SMG1: variants seen among roughly 807,000 people sequenced by gnomAD.
SMG1 encodes serine/threonine-protein kinase SMG1.
A neutral mutation model predicts 419.9 loss-of-function variants in SMG1; 22 were observed. The observed-to-expected ratio is 0.05, with a 90% CI of 0.04 to 0.07. SMG1 has a LOEUF of 0.07. Ranked by LOEUF, SMG1 falls within the 10% of genes least tolerant of loss-of-function variation. SMG1 has a pLI of 1.00. For synonymous variants in SMG1, 1,538 were observed against 1,553.5 expected (o/e 0.99, Z 0.23); for missense variants, 3,185 against 4,342.0 (o/e 0.73, Z 7.49).
chr16:18,858,791 T>G, intron 28 of SMG1: 2 of 411,218 alleles, frequency 4.9e-6, no homozygotes, highest in South Asian at 8.0e-5. Flanking sequence ...CACCCCGAAA[T>G]TAGAAGGAAA....
chr16:18,924,703 C>A (rs1436648449), intron 1 of SMG1, among the ~76,000 whole-genome samples: 1 of 152,038 alleles, frequency 6.6e-6, no homozygotes, highest in African/African-American at 2.4e-5. Context: ...TAGACTCAGG[C>A]ACTAATTATT....
chr16:18,853,958 GATGACACCACC>G, intron 30 of SMG1, 91 bp from the exon 31 acceptor site: 2 of 1,167,886 alleles, frequency 1.7e-6, no homozygotes, highest in Non-Finnish European at 2.4e-6. Flanking sequence ...TCAACATGGT[GATGACACCACC>G]ATGTTGATGG....
intron 23 of SMG1, 43 bp from the exon 24 acceptor site, chr16:18,864,187 C>CT (rs748193551): frequency 0.037 from 21,793 of 594,042 alleles, 58 homozygotes; most frequent in East Asian, 0.059. Flanking sequence ...TATCTACTTA[C>CT]TTTTTTTTTT....
chr16:18,831,649 G>C (rs970400800), intron 51 of SMG1, among the ~76,000 whole-genome samples: 13 of 151,160 alleles, frequency 8.6e-5, no homozygotes, highest in Non-Finnish European at 1.5e-4. Context: ...CCAGCTACTA[G>C]GGAGGCTGAG....
At position 18,833,049 on chromosome 16, in the gene SMG1, T is replaced by A. The variant is rs753101520; in HGVS notation, c.8683A>T (p.Thr2895Ser). The A allele has an allele frequency of 6.2e-7, 1 of 1,613,992 alleles. No homozygotes were observed. The highest frequency in any genetic ancestry group is 1.7e-5 in the Admixed American group (1 of 60,022). The change falls in exon 51 of 63, where the codon ACC becomes TCC. Residue 2895 changes from threonine to serine, a missense_variant. Thr to Ser is a moderately conservative substitution (Grantham distance 58). Coordinates refer to ENST00000446231, the MANE Select transcript of SMG1 (RefSeq NM_015092.5). ...AGAGTCTGCAGGGGAACGCCATCGGTGGTCTGCTCAATAAGACCGTCCAGT... is the reference window on the plus strand; with the variant it reads ...AGAGTCTGCAGGGGAACGCCATCGGAGGTCTGCTCAATAAGACCGTCCAGT... ...HELDGLIEQT[T>S]DGVPLQTLVE... is the part of the protein sequence containing the mutation.
In SMG1 at chr16:18,842,428, T is replaced by C; in HGVS notation, c.6246A>G (p.Ala2082=). ...GCAAGATGTAACTTGCACGTTTCTGTGCTCTCTGTTGCAAACTTAGCATTA... is the reference window on the plus strand; with the variant it reads ...GCAAGATGTAACTTGCACGTTTCTGCGCTCTCTGTTGCAAACTTAGCATTA... ...KEIMLSLQQR[A]QKRASYILRL... is the part of the protein sequence containing the mutation. The change falls in exon 40 of 63, where the codon GCA becomes GCG. Residue 2082 remains alanine (A), a synonymous_variant. Transcript: ENST00000446231. 3.7e-6 allele frequency: 6 copies of C among 1,613,898 alleles called. No individual in the cohort carries two copies. Among genetic ancestry groups the C allele is most frequent in the Non-Finnish European group, 5.1e-6 (6 of 1,179,816 alleles).
At chr16:18,894,041 G>A (rs1460184509) in intron 3 of SMG1, among the ~76,000 whole-genome samples, 1 of 148,644 alleles carries the variant, frequency 6.7e-6, no homozygotes, top group African/African-American at 2.5e-5. Context: ...TGGGTGACAG[G>A]GAGATACTCC....
At chr16:18,832,813 G>C in intron 51 of SMG1, 127 bp downstream of exon 51, 1 of 782,574 alleles carries the variant, frequency 1.3e-6, no homozygotes. Context: ...ATACGTGTAT[G>C]AGCATTTATA....
In SMG1 at chr16:18,860,757, A is replaced by T. The variant is rs766328362; in HGVS notation, c.3715T>A (p.Ser1239Thr). 1 of 1,514,054 alleles carries T rather than the reference A, an allele frequency of 6.6e-7. No individual in the cohort carries two copies. The highest frequency in any genetic ancestry group is 9.0e-7 in the Non-Finnish European group (1 of 1,112,544). 93.8% of individuals were successfully genotyped at this position (1,514,054 alleles called of 1,614,324 possible). ...TCGGTACATTCAACAAATTTTCCAG[A>T]CTCAAAGCTGCTTAATGATCTGTAA... The part of the protein sequence containing the change: ...NYIKSLSSFE[S>T]GKFVECTEQL... Residue 1239 changes from serine (S) to threonine (T), a missense_variant, in exon 26 of 63, where the codon TCT becomes ACT. This residue lies in a region of SMG1 where 120 missense variants were observed against 193.3 expected (regional missense o/e 0.62). Transcript: ENST00000446231.
chr16:18,859,376 T>A, intron 27 of SMG1, 180 bp downstream of exon 27: 2 of 709,814 alleles, frequency 2.8e-6, no homozygotes, highest in South Asian at 1.9e-5. Context: ...TTATTTCATT[T>A]CAACCTCAGT....
At chr16:18,908,546 T>C (rs1023012967) in intron 1 of SMG1, among the ~76,000 whole-genome samples, 3 of 151,066 alleles carry the variant, frequency 2.0e-5, no homozygotes, top group Non-Finnish European at 4.4e-5. Context: ...AGACAGGGAC[T>C]TTATAATCAA....
intron 57 of SMG1, 102 bp downstream of exon 57, chr16:18,817,189 C>T (rs1377180726): frequency 3.7e-6 from 3 of 813,226 alleles, no homozygotes; most frequent in African/African-American, 3.9e-5. Context: ...CTCTTACATA[C>T]AGTATATGCT....
rs370046499 is a variant in SMG1, at chr16:18,879,662, C to T, written c.1351G>A (p.Ala451Thr). The T allele has an allele frequency of 3.9e-6, 6 of 1,542,686 alleles. No homozygotes were observed. The highest frequency in any genetic ancestry group is 5.2e-6 in the Non-Finnish European group (6 of 1,145,010). ...CACTCATTAGCAGCTGTCAACACAG[C>T]CTCAGAAAAAAACACCTGGTTTGCA... The part of the protein sequence containing the change: ...TAANQVFFSE[A>T]VLTAANECVG... Residue 451 changes from alanine to threonine, a missense_variant, in exon 11 of 63, where the codon GCT becomes ACT. Ala to Thr is a moderately conservative substitution (Grantham distance 58, BLOSUM62 0). Coordinates refer to ENST00000446231, the MANE Select transcript of SMG1 (RefSeq NM_015092.5).
intron 23 of SMG1, among the ~76,000 whole-genome samples, chr16:18,865,386 A>T (rs115883605): frequency 6.6e-6 from 1 of 152,212 alleles, no homozygotes; most frequent in Admixed American, 6.5e-5. Flanking sequence ...TTAAGGGTAT[A>T]AACTGCAGCC....
At chr16:18,886,414 A>G (rs2036614252) in intron 6 of SMG1, among the ~76,000 whole-genome samples, 1 of 152,220 alleles carries the variant, frequency 6.6e-6, no homozygotes, top group Non-Finnish European at 1.5e-5. Flanking sequence ...TTGAAAGAAT[A>G]TTTATTTTGC....
chr16:18,807,995 T>TC lies in SMG1; in HGVS notation c.*1573dup, dbSNP rs2031008636. 1 of 152,212 alleles carries TC rather than the reference T, an allele frequency of 6.6e-6. No individual in the cohort carries two copies. The highest frequency in any genetic ancestry group is 2.1e-4 in the South Asian group (1 of 4,828). The allele number at this position is 152,212 out of a possible 1,614,324, so 9.4% of individuals were successfully genotyped here. On this transcript the variant is annotated 3_prime_UTR_variant, in exon 63 of 63. Coordinates refer to ENST00000446231, the MANE Select transcript of SMG1 (RefSeq NM_015092.5). ...CCAGGATGGTCTCGCTCTCCTAACC[T>TC]CATGATCCGCCCGCCTCGGCCTCCC...
At chr16:18,874,367 G>A (rs919282533) in intron 13 of SMG1, among the ~76,000 whole-genome samples, 10 of 151,544 alleles carry the variant, frequency 6.6e-5, no homozygotes, top group African/African-American at 1.9e-4. Flanking sequence ...TCAAACTCCT[G>A]ACCACAAGTG....
intron 6 of SMG1, among the ~76,000 whole-genome samples, chr16:18,888,508 C>T (rs2036737250): frequency 6.7e-6 from 1 of 150,184 alleles, no homozygotes; most frequent in East Asian, 2.0e-4. Flanking sequence ...CAGAGTCTGG[C>T]TCTGTTGCCC....
chr16:18,853,638 C>G lies in SMG1; in HGVS notation c.4713G>C (p.Leu1571=), dbSNP rs753855659. The G allele has an allele frequency of 1.1e-5, 18 of 1,610,614 alleles. No homozygotes were observed. The Admixed American group carries it at 2.4e-4, about 21-fold the overall frequency. Residue 1571 remains leucine (L), a synonymous_variant, in exon 31 of 63, where the codon CTG becomes CTC. Coordinates refer to ENST00000446231, the MANE Select transcript of SMG1 (RefSeq NM_015092.5). Reference sequence around the variant, plus strand: ...CTTCTTCCATCGTATTAACAGATGGCAGTTCTATTAGAGTGAGTATGTTTT... The same window carrying G: ...CTTCTTCCATCGTATTAACAGATGGGAGTTCTATTAGAGTGAGTATGTTTT... The part of the protein sequence containing the change: ...LSKNILTLIE[L]PSVNTMEEEY...
Sources: allele counts gnomAD v4.1 joint callset (sites outside exome capture counted in the v4.1 genomes callset), GRCh38; gene constraint gnomAD v4.1.1; regional missense constraint gnomAD v4.1.1; transcripts MANE v1.5; gene names NCBI Gene and HGNC (gene_info 2026-07-23, HGNC 2026-07-21).